GRIA3: variants seen among roughly 807,000 people sequenced by gnomAD.
GRIA3 encodes the protein glutamate receptor 3.
A neutral mutation model predicts 63.0 loss-of-function variants in GRIA3; 3 were observed. That is an observed-to-expected ratio of 0.05 (90% CI 0.02 to 0.12). The LOEUF (loss-of-function observed/expected upper bound fraction) is 0.12, where lower values mean the gene tolerates loss of function less well. Among genes scored for constraint, GRIA3 ranks in the 10% least tolerant of loss-of-function variants. The pLI, the probability that GRIA3 is intolerant of heterozygous loss-of-function variation, is 1.00. For synonymous variants in GRIA3, 274 were observed against 257.9 expected (o/e 1.06, Z -0.60); for missense variants, 347 against 700.9 (o/e 0.50, Z 5.70).
chrX:123,427,305 G>A (rs2045594640), intron 11 of GRIA3, among the ~76,000 whole-genome samples: 1 of 111,331 alleles, frequency 9.0e-6, no homozygotes, highest in Non-Finnish European at 1.9e-5. Context: ...GTTGCACTTT[G>A]TAATCACCTG....
At chrX:123,421,031 C>T (rs898741985) in intron 11 of GRIA3, among the ~76,000 whole-genome samples, 4 of 110,372 alleles carry the variant, frequency 3.6e-5, no homozygotes, top group Non-Finnish European at 5.7e-5. Flanking sequence ...CAATGCACTC[C>T]GATATTTTCT....
intron 2 of GRIA3, among the ~76,000 whole-genome samples, chrX:123,197,798 G>A (rs1569396686): frequency 8.9e-6 from 1 of 112,546 alleles, no homozygotes; most frequent in East Asian, 2.8e-4. Flanking sequence ...TACTAGCTGT[G>A]AGACCTTGGG....
At chrX:123,484,670 A>C (rs1178291828) in intron 15 of GRIA3, among the ~76,000 whole-genome samples, 1 of 111,323 alleles carries the variant, frequency 9.0e-6, no homozygotes, top group Non-Finnish European at 1.9e-5. Context: ...TTTAGTAGAG[A>C]CAGAGTTTCA....
chrX:123,310,197 T>C (rs1413307723), intron 3 of GRIA3, among the ~76,000 whole-genome samples: 2 of 112,958 alleles, frequency 1.8e-5, no homozygotes, highest in East Asian at 5.6e-4. Context: ...CAGAAGTCCA[T>C]CTCAAGAGTT....
intron 3 of GRIA3, among the ~76,000 whole-genome samples, chrX:123,282,005 G>T (rs1196306001): frequency 9.0e-6 from 1 of 111,372 alleles, no homozygotes; most frequent in Non-Finnish European, 1.9e-5. Context: ...ACTCTAGCAT[G>T]CCTCAGAAAT....
In GRIA3 at chrX:123,404,860, A is replaced by G. The variant is rs2045463697; in HGVS notation, c.1446A>G (p.Ala482=). The change falls in exon 10 of 16, where the codon GCA becomes GCG. Residue 482 remains alanine (A), a synonymous_variant. Coordinates refer to ENST00000620443, the MANE Select transcript of GRIA3 (RefSeq NM_007325.5). ...LSIVGDGKYG[A]RDPETKIWNG... is the part of the protein sequence containing the mutation. The stretch of plus-strand genomic sequence containing the variant: ...TCGTTGGTGACGGGAAATATGGTGC[A>G]AGGGATCCAGAGACTAAAATATGGA... 1 of 1,209,936 alleles carries G rather than the reference A, an allele frequency of 8.3e-7. No homozygotes were observed. Among genetic ancestry groups the G allele is most frequent in the Non-Finnish European group, 1.1e-6 (1 of 893,704 alleles).
At chrX:123,398,323 A>G (rs1460451473) in intron 6 of GRIA3, among the ~76,000 whole-genome samples, 1 of 111,938 alleles carries the variant, frequency 8.9e-6, no homozygotes, top group Non-Finnish European at 1.9e-5. Flanking sequence ...AACTTCACAC[A>G]TATTTCTTCC....
At chrX:123,201,561 A>C (rs1240797835) in intron 2 of GRIA3, among the ~76,000 whole-genome samples, 6 of 110,859 alleles carry the variant, frequency 5.4e-5, no homozygotes, top group African/African-American at 2.0e-4. Context: ...TGTTATATTT[A>C]AGAAAAAAGA....
intron 3 of GRIA3, among the ~76,000 whole-genome samples, chrX:123,304,675 A>G (rs2044744463): frequency 9.0e-6 from 1 of 111,692 alleles, no homozygotes; most frequent in Non-Finnish European, 1.9e-5. Flanking sequence ...GCTAATAAGG[A>G]CAACTCCCAT....
intron 4 of GRIA3, among the ~76,000 whole-genome samples, chrX:123,339,179 T>G (rs1190789151): frequency 1.8e-5 from 2 of 111,926 alleles, no homozygotes; most frequent in Non-Finnish European, 3.8e-5. Flanking sequence ...TTGTAGAAAC[T>G]AAAAAGGACC....
intron 5 of GRIA3, among the ~76,000 whole-genome samples, chrX:123,360,673 G>A (rs1406398430): frequency 3.3e-5 from 3 of 89,564 alleles, no homozygotes; most frequent in Middle Eastern, 7.0e-3. Flanking sequence ...TCCAGCCTGG[G>A]TGACGGAGCA....
chrX:123,412,955 A>G (rs184200260), intron 10 of GRIA3, among the ~76,000 whole-genome samples: 58 of 110,050 alleles, frequency 5.3e-4, no homozygotes, highest in East Asian at 2.0e-3. Flanking sequence ...CAGGCTGAGG[A>G]AAAAAAAAGG....
chrX:123,209,854 G>A (rs1276460621), intron 2 of GRIA3, among the ~76,000 whole-genome samples: 2 of 110,949 alleles, frequency 1.8e-5, no homozygotes, highest in African/African-American at 3.3e-5. Flanking sequence ...CCATATGCCT[G>A]TCAAAAATAA....
chrX:123,376,603 T>G (rs1039366285), intron 5 of GRIA3, among the ~76,000 whole-genome samples: 1 of 112,521 alleles, frequency 8.9e-6, no homozygotes, highest in African/African-American at 3.2e-5. Context: ...CTCTTGCCCA[T>G]CAGCCATCCC....
chrX:123,426,912 TGTTTTC>T (rs990800655), intron 11 of GRIA3, among the ~76,000 whole-genome samples: 1 of 111,816 alleles, frequency 8.9e-6, no homozygotes, highest in East Asian at 2.8e-4. Context: ...AGGATGATTT[TGTTTTC>T]GTTTTCTGTG....
intron 2 of GRIA3, among the ~76,000 whole-genome samples, chrX:123,203,061 G>A (rs942475356): frequency 2.7e-5 from 3 of 111,952 alleles, no homozygotes; most frequent in Non-Finnish European, 5.6e-5. Flanking sequence ...AAGGAAACGA[G>A]GCTGTTTGGG....
chrX:123,319,878 T>C (rs1159207578), intron 3 of GRIA3, among the ~76,000 whole-genome samples: 1 of 106,983 alleles, frequency 9.3e-6, no homozygotes, highest in East Asian at 2.9e-4. Context: ...GCCCTTAGAA[T>C]AGGTCAGTGA....
chrX:123,384,488 G>A, intron 5 of GRIA3, among the ~76,000 whole-genome samples: 1 of 111,650 alleles, frequency 9.0e-6, no homozygotes, highest in Non-Finnish European at 1.9e-5. Context: ...AGCCGGGCGT[G>A]GTGACACACG....
intron 11 of GRIA3, among the ~76,000 whole-genome samples, chrX:123,426,149 G>A (rs902279396): frequency 1.2e-4 from 13 of 111,501 alleles, no homozygotes; most frequent in African/African-American, 4.2e-4. Flanking sequence ...TTCTGGGCAT[G>A]GGAGAACATA....
Sources: gnomAD v4.1 joint callset for allele counts (sites outside exome capture counted in the v4.1 genomes callset) on GRCh38, gnomAD v4.1.1 for gene constraint, MANE v1.5 for transcripts, NCBI Gene and HGNC (gene_info 2026-07-23, HGNC 2026-07-21) for gene names.